The following PPFIA2 variants were observed in gnomAD, a reference collection of about 807,000 sequenced individuals.
PPFIA2 encodes PPFI scaffold protein A2, also known as liprin-alpha-2.
In PPFIA2, 46 loss-of-function variants were observed where a neutral mutation model predicts 175.5. That is an observed-to-expected ratio of 0.26 (90% CI 0.21 to 0.34). The LOEUF is 0.34. Ranked by LOEUF, PPFIA2 falls within the 10% of genes least tolerant of loss-of-function variation. The pLI is 1.00. For missense variants in PPFIA2, 1,179 were observed against 1,506.1 expected (o/e 0.78, Z 3.60); for synonymous variants, 568 against 511.4 (o/e 1.11, Z -1.49).
rs146508272 is a variant in PPFIA2, at chr12:81,365,100, T to A, written c.1545+2008A>T. Among the ~76,000 whole-genome samples the A allele has an allele frequency of 5.1e-4, 78 of 151,848 alleles. 1 individual carries two copies. Among genetic ancestry groups the A allele is most frequent in the African/African-American group, 1.9e-3 (77 of 41,474 alleles). On this transcript the variant is annotated intron_variant, in intron 14 of 32. Transcript: ENST00000549396. The stretch of plus-strand genomic sequence containing the variant: ...GGATGTGCTCAATTTATAGATGGTG[T>A]TTAAATCCAGGAGATCAGATGAAGT...
At chr12:81,261,718 T>C (rs962501519) in intron 32 of PPFIA2, among the ~76,000 whole-genome samples, 13 of 152,152 alleles carry the variant, frequency 8.5e-5, no homozygotes, top group Admixed American at 2.6e-4. Context: ...AATAATACAG[T>C]GATAGGCCTC....
At chr12:81,333,541 A>G (rs983845144) in intron 21 of PPFIA2, among the ~76,000 whole-genome samples, 2 of 152,170 alleles carry the variant, frequency 1.3e-5, no homozygotes, top group Non-Finnish European at 2.9e-5. Flanking sequence ...TAGAGTAGAA[A>G]AAACTTTCAT....
chr12:81,399,910 T>G (rs1311440723), intron 8 of PPFIA2, among the ~76,000 whole-genome samples: 1 of 152,148 alleles, frequency 6.6e-6, no homozygotes, highest in Admixed American at 6.6e-5. Flanking sequence ...GAATCAATAA[T>G]GCATAAAATG....
chr12:81,703,853 C>T (rs1322574591), intron 3 of PPFIA2, among the ~76,000 whole-genome samples: 2 of 152,078 alleles, frequency 1.3e-5, no homozygotes, highest in Non-Finnish European at 2.9e-5. Context: ...TTCTGCTCTT[C>T]GTAAGGCAAT....
rs1485947988 is a variant in PPFIA2, at chr12:81,283,014, G to T, written c.3014C>A (p.Ala1005Asp). ...KTKESEEGSW[A>D]QCPVFLQTLA... The stretch of plus-strand genomic sequence containing the variant: ...TAAAGCATATGAATCTCCTACCTGG[G>T]CCCAGCTTCCTTCCTCAGATTCTTT... Residue 1005 changes from alanine (A) to aspartate (D), a missense_variant, in exon 26 of 33, where the codon GCC (alanine) becomes GAC (aspartate). Ala to Asp is a moderately radical substitution (Grantham distance 126, BLOSUM62 -2). Coordinates refer to ENST00000549396, the MANE Select transcript of PPFIA2 (RefSeq NM_003625.5). 1 of 1,611,652 alleles carries T rather than the reference G, an allele frequency of 6.2e-7. No individual in the cohort carries two copies. Among genetic ancestry groups the T allele is most frequent in the African/African-American group, 1.3e-5 (1 of 74,904 alleles).
intron 3 of PPFIA2, among the ~76,000 whole-genome samples, chr12:81,681,648 T>C (rs1415813731): frequency 6.6e-6 from 1 of 151,872 alleles, no homozygotes; most frequent in Non-Finnish European, 1.5e-5. Flanking sequence ...TAGGGATTAA[T>C]AATGTGGCTC....
chr12:81,452,897 T>A (rs2052871330), intron 5 of PPFIA2, among the ~76,000 whole-genome samples: 1 of 152,186 alleles, frequency 6.6e-6, no homozygotes, highest in South Asian at 2.1e-4. Flanking sequence ...TGAGATTAAG[T>A]TACAGCTTTA....
intron 7 of PPFIA2, 128 bp from the exon 8 acceptor site, chr12:81,406,031 T>G: frequency 1.9e-6 from 1 of 528,374 alleles, no homozygotes; most frequent in Non-Finnish European, 3.3e-6. Flanking sequence ...GAACATTACA[T>G]TTTACTGAAT....
At chr12:81,575,048 T>C (rs2073263725) in intron 4 of PPFIA2, among the ~76,000 whole-genome samples, 1 of 151,852 alleles carries the variant, frequency 6.6e-6, no homozygotes, top group South Asian at 2.1e-4. Context: ...TAGAGGATGG[T>C]TATATAATCA....
At chr12:81,607,317 A>G (rs563596309) in intron 4 of PPFIA2, among the ~76,000 whole-genome samples, 1 of 152,180 alleles carries the variant, frequency 6.6e-6, no homozygotes, top group African/African-American at 2.4e-5. Context: ...ATTTTAGAAT[A>G]GTTTTCTCTA....
At chr12:81,660,623 G>A (rs1289628679) in intron 4 of PPFIA2, among the ~76,000 whole-genome samples, 1 of 152,182 alleles carries the variant, frequency 6.6e-6, no homozygotes, top group Non-Finnish European at 1.5e-5. Context: ...AAAACACTCT[G>A]CAGGATATTA....
In PPFIA2 at chr12:81,292,886, A is replaced by G. The variant is rs145984238; in HGVS notation, c.2925+1949T>C. On this transcript the variant is annotated intron_variant, in intron 24 of 32. Transcript: ENST00000549396. Reference sequence around the variant, plus strand: ...TATAGGTAAGAATTTTAAAAATTATATATTTTTCCTACATGTCATTTAGGA... The same window carrying G: ...TATAGGTAAGAATTTTAAAAATTATGTATTTTTCCTACATGTCATTTAGGA... 307 of 152,178 alleles carry G rather than the reference A, an allele frequency of 2.0e-3. 1 individual carries two copies. The highest frequency in any genetic ancestry group is 7.0e-3 in the African/African-American group (290 of 41,532). 9.4% of individuals were successfully genotyped at this position (152,178 alleles called of 1,614,324 possible). A position where few individuals can be genotyped will look rare whatever the true frequency, so the allele number is the denominator to read the frequency against.
chr12:81,645,237 T>A (rs1214356321), intron 4 of PPFIA2, among the ~76,000 whole-genome samples: 1 of 151,916 alleles, frequency 6.6e-6, no homozygotes, highest in Non-Finnish European at 1.5e-5. Flanking sequence ...AAGGAACTTT[T>A]AAAAAGAAAT....
intron 4 of PPFIA2, among the ~76,000 whole-genome samples, chr12:81,462,254 C>CAT (rs71871906): frequency 0.17 from 23,144 of 132,420 alleles, 2,180 homozygotes; most frequent in East Asian, 0.25. Flanking sequence ...GCTTTTCTAA[C>CAT]ATATATATAT....
rs573480018 is a variant in PPFIA2 at position 81,302,234 on chromosome 12, T to G, written c.2643-2852A>C. On this transcript the variant is annotated intron_variant, in intron 22 of 32. Coordinates refer to ENST00000549396, the MANE Select transcript of PPFIA2 (RefSeq NM_003625.5). ...TATTTTAAAGAACAAATTTTTTTCTTGCATCTTACCTCCTCTTGAGCTTTT... is the reference window on the plus strand; with the variant it reads ...TATTTTAAAGAACAAATTTTTTTCTGGCATCTTACCTCCTCTTGAGCTTTT... 24 of 410,390 alleles carry G rather than the reference T, an allele frequency of 5.8e-5. No individual in the cohort carries two copies. In the East Asian group the frequency reaches 1.7e-3, roughly 28 times the overall value. 25.4% of individuals were successfully genotyped at this position (410,390 alleles called of 1,614,324 possible).
intron 17 of PPFIA2, among the ~76,000 whole-genome samples, chr12:81,348,309 A>C (rs952140698): frequency 4.6e-5 from 7 of 152,218 alleles, no homozygotes; most frequent in Non-Finnish European, 1.0e-4. Flanking sequence ...TAATTAGCCA[A>C]ATAAAACCCT....
intron 4 of PPFIA2, among the ~76,000 whole-genome samples, chr12:81,557,388 G>A (rs922490084): frequency 2.0e-5 from 3 of 151,808 alleles, no homozygotes; most frequent in Non-Finnish European, 4.4e-5. Context: ...ATAGAGTAAA[G>A]ACTCCCCAAA....
At chr12:81,527,431 C>A (rs369273111) in intron 4 of PPFIA2, among the ~76,000 whole-genome samples, 1 of 152,004 alleles carries the variant, frequency 6.6e-6, no homozygotes, top group Non-Finnish European at 1.5e-5. Context: ...GTATTGACTT[C>A]CACTTTTCTT....
At chr12:81,682,717 T>C (rs1202236770) in intron 3 of PPFIA2, among the ~76,000 whole-genome samples, 1 of 152,068 alleles carries the variant, frequency 6.6e-6, no homozygotes, top group Non-Finnish European at 1.5e-5. Context: ...ATCTCCTTTA[T>C]AGAAAAATTT....
Sources: gnomAD v4.1 joint callset for allele counts (sites outside exome capture counted in the v4.1 genomes callset) on GRCh38, gnomAD v4.1.1 for gene constraint, MANE v1.5 for transcripts, NCBI Gene and HGNC (gene_info 2026-07-23, HGNC 2026-07-21) for gene names.